NUP37: variants seen among roughly 807,000 people sequenced by gnomAD.
The protein encoded by NUP37 is nucleoporin 37.
Under a neutral mutation model 45.4 loss-of-function variants are expected in NUP37, and 33 were observed. The observed-to-expected ratio is 0.73, with a 90% CI of 0.55 to 0.97. NUP37 has a LOEUF of 0.97. Ranked by LOEUF, NUP37 falls within the 50% of genes least tolerant of loss-of-function variation. NUP37 has a pLI of 0.00. For missense variants in NUP37, 365 were observed against 389.7 expected, an observed-to-expected ratio of 0.94 and a Z score of 0.53; for synonymous variants, 127 against 130.7, an observed-to-expected ratio of 0.97 and a Z score of 0.19.
intron 5 of NUP37, among the ~76,000 whole-genome samples, chr12:102,093,399 T>C (rs1269191847): frequency 1.3e-5 from 2 of 152,068 alleles, no homozygotes; most frequent in African/African-American, 4.8e-5. Flanking sequence ...ATTATTAACA[T>C]CTCATTTAAC....
intron 5 of NUP37, among the ~76,000 whole-genome samples, chr12:102,097,863 A>G (rs146702324): frequency 4.8e-4 from 73 of 152,308 alleles, no homozygotes; most frequent in African/African-American, 1.6e-3. Flanking sequence ...TAAATCTTTC[A>G]TATCTCTGAC....
chr12:102,096,665 C>T (rs1342721170), intron 5 of NUP37, among the ~76,000 whole-genome samples: 3 of 152,108 alleles, frequency 2.0e-5, no homozygotes, highest in Non-Finnish European at 4.4e-5. Flanking sequence ...ACTCTCTTGT[C>T]ACATATGTGA....
chr12:102,078,204 G>A (rs773191031), intron 6 of NUP37, among the ~76,000 whole-genome samples: 1 of 151,514 alleles, frequency 6.6e-6, no homozygotes, highest in Non-Finnish European at 1.5e-5. Flanking sequence ...GGTGGCATGC[G>A]CGTAATCCTA....
chr12:102,077,099 CCAAGATTT>C, intron 7 of NUP37: 1 of 617,938 alleles, frequency 1.6e-6, no homozygotes, highest in Non-Finnish European at 2.8e-6. Flanking sequence ...TTGCACAGAT[CCAAGATTT>C]CCTCTTTTGC....
At chr12:102,076,059 G>A (rs1264349350) in intron 8 of NUP37, among the ~76,000 whole-genome samples, 1 of 152,044 alleles carries the variant, frequency 6.6e-6, no homozygotes, top group African/African-American at 2.4e-5. Flanking sequence ...AACAAGCCCT[G>A]AGACTACCTC....
Position 102,099,175 on chromosome 12 carries a change from A to C in NUP37, c.380T>G (p.Ile127Ser). The stretch of plus-strand genomic sequence containing the variant: ...TTTGGGATCAAACACCAAACCATTA[A>C]TGAAATCGGTATGGCCCTCTAAAAC... ...YKVLEGHTDF[I>S]NGLVFDPKEG... is the part of the protein sequence containing the mutation. The change falls in exon 5 of 10, where the codon ATT becomes AGT. Residue 127 changes from isoleucine to serine, a missense_variant. Ile to Ser is a moderately radical substitution (Grantham distance 142). Coordinates refer to ENST00000552283, the MANE Select transcript of NUP37 (RefSeq NM_024057.4). The C allele has an allele frequency of 6.2e-7, 1 of 1,613,562 alleles. No homozygotes were observed. The highest frequency in any genetic ancestry group is 8.5e-7 in the Non-Finnish European group (1 of 1,179,470).
chr12:102,108,558 T>A (rs375104453), intron 3 of NUP37, among the ~76,000 whole-genome samples: 5 of 152,206 alleles, frequency 3.3e-5, no homozygotes, highest in African/African-American at 1.2e-4. Context: ...CCCCTTCATA[T>A]ATACATCTAT....
chr12:102,080,830 A>G (rs1452705620), intron 6 of NUP37, among the ~76,000 whole-genome samples: 5 of 152,210 alleles, frequency 3.3e-5, no homozygotes, highest in African/African-American at 1.2e-4. Flanking sequence ...AAGGTAAGAG[A>G]TCGAGGAAAA....
At chr12:102,096,500 A>G (rs1879807013) in intron 5 of NUP37, among the ~76,000 whole-genome samples, 1 of 152,154 alleles carries the variant, frequency 6.6e-6, no homozygotes, top group Admixed American at 6.6e-5. Flanking sequence ...CTGCTAGCTG[A>G]TTATAATATA....
intron 5 of NUP37, among the ~76,000 whole-genome samples, chr12:102,086,591 T>C (rs1720602782): frequency 6.6e-6 from 1 of 152,208 alleles, no homozygotes; most frequent in Admixed American, 6.5e-5. Flanking sequence ...TTTCAATTGC[T>C]TTACCATTGC....
chr12:102,101,138 T>C, intron 3 of NUP37, 34 bp from the exon 4 acceptor site: 2 of 1,368,274 alleles, frequency 1.5e-6, no homozygotes, highest in African/African-American at 1.5e-5. Flanking sequence ...TACCAATTTT[T>C]AGCCTTTGTA....
At chr12:102,101,600 A>T (rs1488476662) in intron 3 of NUP37, among the ~76,000 whole-genome samples, 1 of 152,198 alleles carries the variant, frequency 6.6e-6, no homozygotes, top group Non-Finnish European at 1.5e-5. Flanking sequence ...TTATAACTAT[A>T]AAAGCTGATA....
chr12:102,081,784 C>G (rs1232102087), intron 6 of NUP37, among the ~76,000 whole-genome samples: 1 of 151,912 alleles, frequency 6.6e-6, no homozygotes, highest in Non-Finnish European at 1.5e-5. Flanking sequence ...CCCTTAACCT[C>G]CCTGGCATGA....
intron 3 of NUP37, among the ~76,000 whole-genome samples, chr12:102,101,627 A>G (rs1237944422): frequency 6.6e-6 from 1 of 152,206 alleles, no homozygotes; most frequent in South Asian, 2.1e-4. Context: ...ATACCTACTA[A>G]AAGCTGGAGT....
chr12:102,081,300 G>T (rs1203909069), intron 6 of NUP37, among the ~76,000 whole-genome samples: 1 of 152,172 alleles, frequency 6.6e-6, no homozygotes, highest in Non-Finnish European at 1.5e-5. Flanking sequence ...GTATAACTGT[G>T]CTCAATTATG....
chr12:102,103,967 C>A (rs1375728392), intron 3 of NUP37, among the ~76,000 whole-genome samples: 4 of 152,042 alleles, frequency 2.6e-5, no homozygotes, highest in Non-Finnish European at 5.9e-5. Context: ...ACAAGGATGC[C>A]CATTTTTGCC....
intron 5 of NUP37, 141 bp downstream of exon 5, chr12:102,098,965 C>A (rs1324379144): frequency 1.5e-6 from 1 of 679,940 alleles, no homozygotes; most frequent in Non-Finnish European, 2.6e-6. Context: ...TTGTGCCATA[C>A]CTACAGTTCA....
chr12:102,097,445 A>G (rs959155616), intron 5 of NUP37, among the ~76,000 whole-genome samples: 2 of 148,390 alleles, frequency 1.3e-5, no homozygotes, highest in African/African-American at 4.9e-5. Flanking sequence ...TGATAGTGGT[A>G]GAAGGCAGTA....
intron 1 of NUP37, chr12:102,119,137 C>A (rs1354606496): frequency 6.6e-6 from 1 of 152,220 alleles, no homozygotes; most frequent in East Asian, 1.9e-4. Flanking sequence ...AGCCTCCTGG[C>A]TTGAAGGAGA....
Sources: gnomAD v4.1 joint callset for allele counts (sites outside exome capture counted in the v4.1 genomes callset) on GRCh38, gnomAD v4.1.1 for gene constraint, MANE v1.5 for transcripts, NCBI Gene and HGNC (gene_info 2026-07-23, HGNC 2026-07-21) for gene names.